Variants in MYO18A observed in about 807,000 individuals in gnomAD.
MYO18A encodes the protein unconventional myosin-XVIIIa.
A neutral mutation model predicts 235.8 loss-of-function variants in MYO18A; 78 were observed. The observed-to-expected ratio is 0.33, with a 90% CI of 0.28 to 0.40. The LOEUF (loss-of-function observed/expected upper bound fraction) is 0.40, where lower values mean the gene tolerates loss of function less well. MYO18A is among the 10% of genes least tolerant of loss of function. The pLI, the probability that MYO18A is intolerant of heterozygous loss-of-function variation, is 1.00. For missense variants in MYO18A, 2,215 were observed against 2,699.3 expected (o/e 0.82, Z 3.98); for synonymous variants, 977 against 1,077.8 (o/e 0.91, Z 1.83).
chr17:29,144,123 G>A (rs1488916819), intron 2 of MYO18A, among the ~76,000 whole-genome samples: 1 of 152,168 alleles, frequency 6.6e-6, no homozygotes, highest in East Asian at 1.9e-4. Context: ...AAAGCGTGGT[G>A]GTGCAATATC....
intron 1 of MYO18A, among the ~76,000 whole-genome samples, chr17:29,172,643 G>A (rs548232708): frequency 2.0e-5 from 3 of 152,260 alleles, no homozygotes; most frequent in Non-Finnish European, 2.9e-5. Flanking sequence ...CCCTCAGAGA[G>A]GTACCTAATA....
intron 2 of MYO18A, among the ~76,000 whole-genome samples, chr17:29,129,345 A>T (rs1037312831): frequency 1.3e-5 from 2 of 152,130 alleles, no homozygotes; most frequent in Non-Finnish European, 2.9e-5. Flanking sequence ...CCTAGTTCCC[A>T]GAGTGTGTAT....
chr17:29,116,313 C>A, intron 11 of MYO18A, 131 bp downstream of exon 11: 1 of 1,018,684 alleles, frequency 9.8e-7, no homozygotes, highest in Non-Finnish European at 1.6e-6. Context: ...CAAACACCCA[C>A]TGATGGCCCA....
intron 2 of MYO18A, among the ~76,000 whole-genome samples, chr17:29,156,869 A>C (rs925716564): frequency 2.6e-5 from 4 of 152,190 alleles, no homozygotes; most frequent in African/African-American, 4.8e-5. Context: ...CTACAGACAA[A>C]AGGAACAGCA....
chr17:29,121,555 A>G lies in MYO18A; in HGVS notation c.1363T>C (p.Ser455Pro). ...LGPRGAPAVYSEKVMHMFKGC... is the reference protein window; with the variant it reads ...LGPRGAPAVYPEKVMHMFKGC... ...CCTTGAGGGTGCTGCACCTTCTCAG[A>G]GTACACAGCAGGGGCCCCACGGGGG... Residue 455 changes from serine to proline, a missense_variant, in exon 5 of 42, where the codon TCT becomes CCT. Transcript: ENST00000527372. The surrounding 1 kb of genome is among the most constrained non-coding windows in gnomAD (Gnocchi z 4.2). 6.2e-7 allele frequency: 1 copy of G among 1,602,590 alleles called. No homozygotes were observed. The highest frequency in any genetic ancestry group is 8.5e-7 in the Non-Finnish European group (1 of 1,175,224).
chr17:29,133,882 G>T (rs1184191429), intron 2 of MYO18A: 1 of 1,288,788 alleles, frequency 7.8e-7, no homozygotes, highest in Admixed American at 2.3e-5. Flanking sequence ...GAAATGGGGG[G>T]CAGGGTCTCT....
At position 29,073,562 on chromosome 17, in the gene MYO18A, G is replaced by T; in HGVS notation, c.*1208C>A. 1 of 320,312 alleles carries T rather than the reference G, an allele frequency of 3.1e-6. No homozygotes were observed. Among genetic ancestry groups the T allele is most frequent in the East Asian group, 5.0e-5 (1 of 19,964 alleles). The allele number at this position is 320,312 out of a possible 1,614,324, so 19.8% of individuals were successfully genotyped here. A position where few individuals can be genotyped will look rare whatever the true frequency, so the allele number is the denominator to read the frequency against. ...TTTATTTCCATACATCGGGTAAACA[G>T]GGGAGAGCACAGCCCAGTGAGTACA... On this transcript the variant is annotated 3_prime_UTR_variant, in exon 42 of 42. Coordinates refer to ENST00000527372, the MANE Select transcript of MYO18A (RefSeq NM_078471.4).
intron 2 of MYO18A, among the ~76,000 whole-genome samples, chr17:29,154,121 T>TGTGTGTGTGTGCGTGCGCGC (rs142430455): frequency 6.7e-6 from 1 of 149,000 alleles, no homozygotes; most frequent in Non-Finnish European, 1.5e-5. Flanking sequence ...TGTGTGTGTG[T>TGTGTGTGTGTGCGTGCGCGC]GCGCGCGCGT....
At chr17:29,091,415 A>G (rs1276763057) in intron 34 of MYO18A, 1 of 331,820 alleles carries the variant, frequency 3.0e-6, no homozygotes, top group Non-Finnish European at 5.9e-6. Flanking sequence ...GGGAAGAGAG[A>G]TCCAACAGCA....
In MYO18A at chr17:29,071,450, C is replaced by T. The variant is rs2152701339; in HGVS notation, c.*3320G>A. The T allele has an allele frequency of 6.6e-6, 1 of 152,356 alleles. No homozygotes were observed. Among genetic ancestry groups the T allele is most frequent in the South Asian group, 2.1e-4 (1 of 4,830 alleles). The allele number at this position is 152,356 out of a possible 1,614,324, so 9.4% of individuals were successfully genotyped here. ...GGGGCCAAGGGAATTGTCTCCTTCT[C>T]AACTGAAACTTGGAGAAGCACTGGT... On this transcript the variant is annotated 3_prime_UTR_variant, in exon 42 of 42. Coordinates refer to ENST00000527372, the MANE Select transcript of MYO18A (RefSeq NM_078471.4).
intron 33 of MYO18A, 119 bp downstream of exon 33, chr17:29,092,736 C>A: frequency 7.0e-7 from 1 of 1,425,574 alleles, no homozygotes. Flanking sequence ...GCTCTCCCCT[C>A]TTTCCTGTCA....
intron 1 of MYO18A, among the ~76,000 whole-genome samples, chr17:29,176,011 T>C (rs1156414009): frequency 6.6e-6 from 1 of 152,102 alleles, no homozygotes; most frequent in Non-Finnish European, 1.5e-5. Flanking sequence ...TGAGCCAAGA[T>C]TGCGCCACTG....
intron 1 of MYO18A, among the ~76,000 whole-genome samples, chr17:29,178,036 A>G (rs1361178161): frequency 6.6e-6 from 1 of 151,856 alleles, no homozygotes; most frequent in Non-Finnish European, 1.5e-5. Flanking sequence ...CACCCAGTCC[A>G]CCTTTAGGTA....
At chr17:29,089,585 A>C (rs1345107737) in intron 37 of MYO18A, among the ~76,000 whole-genome samples, 1 of 151,888 alleles carries the variant, frequency 6.6e-6, no homozygotes, top group African/African-American at 2.4e-5. Flanking sequence ...AGGGCAGATG[A>C]GAGAACAGAT....
rs1398579836 is a variant in MYO18A at position 29,109,190 on chromosome 17, G to C, written c.3331+668C>G. ...AACAAAAAAAACCCACCCTACTTGA[G>C]AGACATGAGACATGACTCTACAGCC... On this transcript the variant is annotated intron_variant, in intron 19 of 41. Coordinates refer to ENST00000527372, the MANE Select transcript of MYO18A (RefSeq NM_078471.4). This position sits in a 1 kb window ranked among gnomAD's most constrained non-coding sequence, Gnocchi z 4.1. 6.6e-6 allele frequency among the ~76,000 whole-genome samples: 1 copy of C among 151,922 alleles called. No homozygotes were observed. The highest frequency in any genetic ancestry group is 2.4e-5 in the African/African-American group (1 of 41,354).
At position 29,121,760 on chromosome 17, in the gene MYO18A, C is replaced by G. The variant is rs1432796280; in HGVS notation, c.1195-37G>C. 1.3e-6 allele frequency: 2 copies of G among 1,591,430 alleles called. No individual in the cohort carries two copies. The highest frequency in any genetic ancestry group is 4.6e-5 in the East Asian group (2 of 43,808). On this transcript the variant is annotated intron_variant, in intron 4 of 41. Coordinates refer to ENST00000527372, the MANE Select transcript of MYO18A (RefSeq NM_078471.4). This position sits in a 1 kb window ranked among gnomAD's most constrained non-coding sequence, Gnocchi z 4.2. ...GACAGGCGGGTGGGTATTAGAGCAG[C>G]AGAGCCCATCTCCGCTGCCAGAGGA...
chr17:29,153,894 A>G (rs1231558956), intron 2 of MYO18A, among the ~76,000 whole-genome samples: 1 of 152,128 alleles, frequency 6.6e-6, no homozygotes, highest in Non-Finnish European at 1.5e-5. Flanking sequence ...AGACCTCAAA[A>G]TCAGTCATCA....
Position 29,115,358 on chromosome 17 carries a change from C to G in MYO18A, c.2311G>C (p.Val771Leu). ...SELFTLLVSLVNRALKSSQHS... is the reference protein window; with the variant it reads ...SELFTLLVSLLNRALKSSQHS... ...GTCCTGCCTGGCACTCACCTATTCA[C>G]CAGGGAGACGAGAAGGGTGAAGAGC... Residue 771 changes from valine to leucine, a missense_variant, in exon 13 of 42, where the codon GTG (valine) becomes CTG (leucine). Physicochemically the swap from Val to Leu is conservative, Grantham distance 32. Transcript: ENST00000527372. 1 of 1,613,978 alleles carries G rather than the reference C, an allele frequency of 6.2e-7. No individual in the cohort carries two copies. The highest frequency in any genetic ancestry group is 1.7e-4 in the Middle Eastern group (1 of 6,060).
intron 20 of MYO18A, 41 bp downstream of exon 20, chr17:29,107,039 G>A (rs552118251): frequency 1.9e-6 from 3 of 1,579,618 alleles, no homozygotes; most frequent in African/African-American, 2.7e-5. Context: ...CTGCTTGAGG[G>A]GCCTGGGCAG....
Sources: gnomAD v4.1 joint callset for allele counts (sites outside exome capture counted in the v4.1 genomes callset) on GRCh38, gnomAD v4.1.1 for gene constraint, Gnocchi (gnomAD v3.1) non-coding constraint, MANE v1.5 for transcripts, NCBI Gene and HGNC (gene_info 2026-07-23, HGNC 2026-07-21) for gene names.